Variants in RAF1 observed in about 807,000 individuals in gnomAD.
The protein encoded by RAF1 is RAF proto-oncogene serine/threonine-protein kinase.
A neutral mutation model predicts 81.1 loss-of-function variants in RAF1; 27 were observed. The ratio of observed to expected loss-of-function variants is 0.33; its 90% CI spans 0.25 to 0.46. The LOEUF is 0.46. Among genes scored for constraint, RAF1 ranks in the 20% least tolerant of loss-of-function variants. The probability of loss-of-function intolerance (pLI) is 1.00; values close to 1 mark genes in which losing one functional copy is unlikely to be tolerated. For missense variants in RAF1, 598 were observed against 826.0 expected, an observed-to-expected ratio of 0.72 and a Z score of 3.38; for synonymous variants, 298 against 294.0, an observed-to-expected ratio of 1.01 and a Z score of -0.14.
At chr3:12,655,589 C>T (rs2060666657) in intron 1 of RAF1, among the ~76,000 whole-genome samples, 1 of 152,266 alleles carries the variant, frequency 6.6e-6, no homozygotes, top group East Asian at 1.9e-4. Context: ...CCCTAAGGCA[C>T]TGAAAGCAGG....
At chr3:12,652,567 A>T (rs924670513) in intron 1 of RAF1, among the ~76,000 whole-genome samples, 2 of 152,106 alleles carry the variant, frequency 1.3e-5, no homozygotes, top group African/African-American at 4.8e-5. Context: ...CAGACCATAC[A>T]TAACACCATT....
chr3:12,647,536 G>A (rs1207361357), intron 1 of RAF1, among the ~76,000 whole-genome samples: 2 of 152,078 alleles, frequency 1.3e-5, no homozygotes, highest in African/African-American at 4.8e-5. Context: ...CCAGGTTGCA[G>A]TGAGCCATGA....
chr3:12,657,796 G>A (rs1378154507), intron 1 of RAF1, among the ~76,000 whole-genome samples: 1 of 150,998 alleles, frequency 6.6e-6, no homozygotes. Context: ...CAATAAAATG[G>A]CTTTTATTAT....
At chr3:12,596,476 G>A (rs913181644) in intron 11 of RAF1, among the ~76,000 whole-genome samples, 1 of 152,172 alleles carries the variant, frequency 6.6e-6, no homozygotes, top group African/African-American at 2.4e-5. Context: ...TTACAGGCAT[G>A]AGCCACCGCA....
chr3:12,603,565 A>C (rs753724559), intron 7 of RAF1: 3 of 694,090 alleles, frequency 4.3e-6, no homozygotes, highest in Non-Finnish European at 7.9e-6. Context: ...GAAATAAAGA[A>C]GAATAAAGAA....
At chr3:12,597,591 G>A (rs2454438) in intron 11 of RAF1, among the ~76,000 whole-genome samples, 20,414 of 152,100 alleles carry the variant, frequency 0.13, 1,694 homozygotes, top group Middle Eastern at 0.2. Flanking sequence ...CTTTCCTAAG[G>A]AATCCTGGAG....
At chr3:12,596,981 C>T (rs2454458) in intron 11 of RAF1, among the ~76,000 whole-genome samples, 20,377 of 151,712 alleles carry the variant, frequency 0.13, 1,691 homozygotes, top group Middle Eastern at 0.2. Context: ...TCACTGTAAG[C>T]TCTGCCTCCC....
At chr3:12,648,428 A>G (rs1322829276) in intron 1 of RAF1, among the ~76,000 whole-genome samples, 1 of 152,158 alleles carries the variant, frequency 6.6e-6, no homozygotes, top group East Asian at 1.9e-4. Context: ...ATATTCAACA[A>G]GTGGTTAAAA....
chr3:12,610,387 G>C (rs987411460), intron 3 of RAF1, among the ~76,000 whole-genome samples: 29 of 152,184 alleles, frequency 1.9e-4, no homozygotes, highest in African/African-American at 6.5e-4. Flanking sequence ...TGAAGAGAAG[G>C]AGGACAAGCC....
intron 11 of RAF1, among the ~76,000 whole-genome samples, chr3:12,595,115 T>G (rs955762914): frequency 7.9e-5 from 12 of 152,194 alleles, no homozygotes; most frequent in Admixed American, 7.2e-4. Context: ...TCACCGAGGC[T>G]GGAGTGCAGC....
chr3:12,657,916 C>G (rs2060751223), intron 1 of RAF1, among the ~76,000 whole-genome samples: 1 of 151,544 alleles, frequency 6.6e-6, no homozygotes, highest in South Asian at 2.1e-4. Flanking sequence ...AGTCACTGAC[C>G]ATTCCCTACA....
chr3:12,613,516 C>T (rs1400862399), intron 2 of RAF1, among the ~76,000 whole-genome samples: 1 of 150,810 alleles, frequency 6.6e-6, no homozygotes, highest in African/African-American at 2.4e-5. Flanking sequence ...AGCAGGGCTG[C>T]AAAAGGCCCA....
chr3:12,641,758 C>T (rs766424748), intron 1 of RAF1, among the ~76,000 whole-genome samples: 1 of 152,064 alleles, frequency 6.6e-6, no homozygotes, highest in Non-Finnish European at 1.5e-5. Context: ...TCCCAAAGTG[C>T]TGGGATTACA....
At chr3:12,588,786 A>C (rs1336139891) in intron 13 of RAF1, 1 of 152,122 alleles carries the variant, frequency 6.6e-6, no homozygotes, top group Non-Finnish European at 1.5e-5. Flanking sequence ...TATTGTTTGG[A>C]TATCTGTCCA....
At chr3:12,643,438 C>T (rs1326675058) in intron 1 of RAF1, among the ~76,000 whole-genome samples, 1 of 152,076 alleles carries the variant, frequency 6.6e-6, no homozygotes, top group African/African-American at 2.4e-5. Flanking sequence ...CAAAAAGTGA[C>T]TTGTTTAAAA....
chr3:12,645,375 C>T (rs1165714495), intron 1 of RAF1, among the ~76,000 whole-genome samples: 1 of 152,026 alleles, frequency 6.6e-6, no homozygotes, highest in Non-Finnish European at 1.5e-5. Flanking sequence ...TTCATACTAT[C>T]CCTTTTTTTG....
chr3:12,595,555 G>A (rs552346980), intron 11 of RAF1, among the ~76,000 whole-genome samples: 3 of 152,036 alleles, frequency 2.0e-5, no homozygotes, highest in South Asian at 4.2e-4. Context: ...CCCTACCACT[G>A]GACCTCACTC....
rs770426112 is a variant in RAF1, at chr3:12,584,664, C to G, written c.1864-7G>C. The G allele has an allele frequency of 1.2e-6, 2 of 1,614,130 alleles. No individual in the cohort carries two copies. The highest frequency in any genetic ancestry group is 2.7e-5 in the African/African-American group (2 of 75,040). On this transcript the variant is annotated splice_polypyrimidine_tract_variant and splice_region_variant and intron_variant, in intron 17 of 17. Transcript: ENST00000442415. Reference sequence around the variant, plus strand: ...GCTCAATGGAAGACAGGATCTGAAACAAAGCCCAAGAATGCTCTCATTAGC... The same window carrying G: ...GCTCAATGGAAGACAGGATCTGAAAGAAAGCCCAAGAATGCTCTCATTAGC...
At chr3:12,614,075 G>A (rs940216934) in intron 2 of RAF1, among the ~76,000 whole-genome samples, 4 of 152,196 alleles carry the variant, frequency 2.6e-5, no homozygotes, top group Non-Finnish European at 4.4e-5. Flanking sequence ...AGGAAAGGTC[G>A]TGAACAACAG....
Sources: gnomAD v4.1 joint callset for allele counts (sites outside exome capture counted in the v4.1 genomes callset) on GRCh38, gnomAD v4.1.1 for gene constraint, MANE v1.5 for transcripts, NCBI Gene and HGNC (gene_info 2026-07-23, HGNC 2026-07-21) for gene names.